RPAP2: variants seen among roughly 807,000 people sequenced by gnomAD.
RPAP2 encodes RNA polymerase II associated protein 2.
A neutral mutation model predicts 73.1 loss-of-function variants in RPAP2; 52 were observed. The ratio of observed to expected loss-of-function variants is 0.71; its 90% confidence interval spans 0.57 to 0.90. The LOEUF (loss-of-function observed/expected upper bound fraction) is 0.90. Ranked by LOEUF, RPAP2 falls within the 40% of genes least tolerant of loss-of-function variation. The pLI is 0.00. For missense variants in RPAP2, 598 were observed against 701.8 expected (o/e 0.85, Z 1.67); for synonymous variants, 225 against 242.1 (o/e 0.93, Z 0.65).
At chr1:92,360,046 A>C (rs1654657922) in intron 11 of RPAP2, among the ~76,000 whole-genome samples, 1 of 152,224 alleles carries the variant, frequency 6.6e-6, no homozygotes, top group Non-Finnish European at 1.5e-5. Flanking sequence ...AGGCTCTGTA[A>C]AAACATATAC....
chr1:92,305,703 C>G (rs550642933), intron 5 of RPAP2, among the ~76,000 whole-genome samples: 1 of 151,866 alleles, frequency 6.6e-6, no homozygotes, highest in East Asian at 1.9e-4. Flanking sequence ...ACACAAGGAA[C>G]TTGAATGGCT....
At chr1:92,370,285 C>T (rs1041647809) in intron 11 of RPAP2, among the ~76,000 whole-genome samples, 8 of 152,016 alleles carry the variant, frequency 5.3e-5, no homozygotes, top group Non-Finnish European at 1.0e-4. Flanking sequence ...TGGGGCACTA[C>T]GCTTTAAGAA....
At chr1:92,339,320 G>A (rs1042418577) in intron 10 of RPAP2, among the ~76,000 whole-genome samples, 295 of 71,240 alleles carry the variant, frequency 4.1e-3, no homozygotes, top group African/African-American at 0.014. Context: ...CCCCACCCCC[G>A]CCCCCACAAC....
chr1:92,394,909 GAACTTACTAC>G lies in RPAP2; in HGVS notation c.*7901_*7910del, dbSNP rs1485994561. The G allele has an allele frequency of 6.6e-6, 1 of 152,092 alleles. No individual in the cohort carries two copies. Among genetic ancestry groups the G allele is most frequent in the Non-Finnish European group, 1.5e-5 (1 of 68,024 alleles). 9.4% of individuals were successfully genotyped at this position (152,092 alleles called of 1,614,324 possible). ...AAAATGAAGAAATAATTCTGATCCA[GAACTTACTAC>G]AAAGCTACATTAATCAAGACAGTGT... On this transcript the variant is annotated 3_prime_UTR_variant, in exon 13 of 13. Transcript: ENST00000610020.
rs188343156 is a variant in RPAP2, at chr1:92,393,959, A to G, written c.*6948A>G. 25 of 152,374 alleles carry G rather than the reference A, an allele frequency of 1.6e-4. No homozygotes were observed. Among genetic ancestry groups the G allele is most frequent in the African/African-American group, 4.8e-4 (20 of 41,596 alleles). 9.4% of individuals were successfully genotyped at this position (152,374 alleles called of 1,614,324 possible). On this transcript the variant is annotated 3_prime_UTR_variant, in exon 13 of 13. Coordinates refer to ENST00000610020, the MANE Select transcript of RPAP2 (RefSeq NM_024813.3). ...TAGAACTGGAAATACCATTTGACCC[A>G]GCAATCCCACTATTGGGCATATACC...
At position 92,394,527 on chromosome 1, in the gene RPAP2, C is replaced by G. The variant is rs1481480201; in HGVS notation, c.*7516C>G. ...AACTAGCCAGGCATGGTGCTGCACACCTGTAGTCCCAGCTACTTGAGAGGC... is the reference window on the plus strand; with the variant it reads ...AACTAGCCAGGCATGGTGCTGCACAGCTGTAGTCCCAGCTACTTGAGAGGC... On this transcript the variant is annotated 3_prime_UTR_variant, in exon 13 of 13. Transcript: ENST00000610020. The G allele has an allele frequency of 6.6e-6, 1 of 152,030 alleles. No homozygotes were observed. The highest frequency in any genetic ancestry group is 1.5e-5 in the Non-Finnish European group (1 of 67,996). The allele number at this position is 152,030 out of a possible 1,614,324, so 9.4% of individuals were successfully genotyped here.
intron 6 of RPAP2, among the ~76,000 whole-genome samples, chr1:92,315,311 G>A (rs1344443503): frequency 6.6e-6 from 1 of 152,194 alleles, no homozygotes; most frequent in African/African-American, 2.4e-5. Context: ...GACATTTTAT[G>A]TGGGCTTGGT....
chr1:92,313,111 C>T (rs137894519), intron 6 of RPAP2, among the ~76,000 whole-genome samples: 11 of 152,310 alleles, frequency 7.2e-5, no homozygotes, highest in African/African-American at 1.9e-4. Flanking sequence ...AAGTAATCCA[C>T]GCACCTTGGC....
At position 92,312,882 on chromosome 1, in the gene RPAP2, C is replaced by T. The variant is rs551430457; in HGVS notation, c.488+5606C>T. On this transcript the variant is annotated intron_variant, in intron 6 of 12. Transcript: ENST00000610020. ...TGTCACCCAGGCTGGAGTGCAGTGGCGCGATCTTGGCTCACTACAACCTCT... is the reference window on the plus strand; with the variant it reads ...TGTCACCCAGGCTGGAGTGCAGTGGTGCGATCTTGGCTCACTACAACCTCT... 2.0e-4 allele frequency among the ~76,000 whole-genome samples: 31 copies of T among 151,410 alleles called. No homozygotes were observed. The East Asian group carries it at 4.7e-3, about 23-fold the overall frequency.
At chr1:92,314,750 TA>T (rs1273842229) in intron 6 of RPAP2, among the ~76,000 whole-genome samples, 235 of 107,062 alleles carry the variant, frequency 2.2e-3, no homozygotes, top group Middle Eastern at 9.6e-3. Flanking sequence ...CTCAATAAAT[TA>T]AAAAAAAAAA....
rs1652485881 is a variant in RPAP2 at position 92,324,129 on chromosome 1, T to C, written c.1209T>C (p.Val403=). 1 of 1,614,024 alleles carries C rather than the reference T, an allele frequency of 6.2e-7. No homozygotes were observed. The highest frequency in any genetic ancestry group is 8.5e-7 in the Non-Finnish European group (1 of 1,180,008). ...GTCTGAAACCCGAAGCCTCTCTGGT[T>C]AAAGAAGAACTTGATGAAGATGACA... The part of the protein sequence containing the change: ...SVCLKPEASL[V]KEELDEDDII... The change falls in exon 8 of 13, where the codon GTT becomes GTC. Residue 403 remains valine, a synonymous_variant. Transcript: ENST00000610020.
rs1348455719 is a variant in RPAP2 at position 92,373,733 on chromosome 1, TAAAAATAAAAAAAAAAAA to T, written c.1689-6985_1689-6968del. ...CAACATGGTGAAACCCCGTCTCTACTAAAAATAAAAAAAAAAAAAAAAAAAAAAAAAAAAAAAGTAGCC... is the reference window on the plus strand; with the variant it reads ...CAACATGGTGAAACCCCGTCTCTACTAAAAAAAAAAAAAAAAAAAGTAGCC... On this transcript the variant is annotated intron_variant, in intron 11 of 12. Transcript: ENST00000610020. Among the ~76,000 whole-genome samples the T allele has an allele frequency of 1.4e-3, 56 of 40,906 alleles. 1 individual carries two copies. In the South Asian group the frequency reaches 0.027, roughly 19 times the overall value. 26.8% of individuals were successfully genotyped at this position (40,906 alleles called of 152,430 possible). A position where few individuals can be genotyped will look rare whatever the true frequency, so the allele number is the denominator to read the frequency against.
intron 7 of RPAP2, among the ~76,000 whole-genome samples, chr1:92,322,752 G>A (rs539742271): frequency 1.1e-4 from 16 of 147,100 alleles, no homozygotes; most frequent in East Asian, 6.2e-4. Flanking sequence ...TGGTGCCCAC[G>A]TGTAATCCCA....
chr1:92,351,645 G>A (rs1253486908), intron 11 of RPAP2, among the ~76,000 whole-genome samples: 1 of 152,072 alleles, frequency 6.6e-6, no homozygotes, highest in Non-Finnish European at 1.5e-5. Context: ...TAACACAAGA[G>A]GTCACTGTGC....
At chr1:92,378,492 C>T (rs1004513133) in intron 11 of RPAP2, among the ~76,000 whole-genome samples, 2 of 152,128 alleles carry the variant, frequency 1.3e-5, no homozygotes, top group Non-Finnish European at 2.9e-5. Context: ...GGATTACAGG[C>T]ATGAGCCATC....
chr1:92,348,537 A>C (rs1032406217), intron 11 of RPAP2, among the ~76,000 whole-genome samples: 1 of 152,028 alleles, frequency 6.6e-6, no homozygotes, highest in Non-Finnish European at 1.5e-5. Flanking sequence ...GAATCTCCCT[A>C]TTCTTTTGAT....
Position 92,391,452 on chromosome 1 carries a change from C to G in RPAP2, c.*4441C>G, listed in dbSNP as rs552868787. The stretch of plus-strand genomic sequence containing the variant: ...GCAGGAGTGATCTAAAATCAACACC[C>G]TAACATCACAATTAAAAGAACTAGA... On this transcript the variant is annotated 3_prime_UTR_variant, in exon 13 of 13. Coordinates refer to ENST00000610020, the MANE Select transcript of RPAP2 (RefSeq NM_024813.3). The G allele has an allele frequency of 6.6e-6, 1 of 152,040 alleles. No homozygotes were observed. The highest frequency in any genetic ancestry group is 1.5e-5 in the Non-Finnish European group (1 of 68,020). The allele number at this position is 152,040 out of a possible 1,614,324, so 9.4% of individuals were successfully genotyped here.
chr1:92,394,604 G>C lies in RPAP2; in HGVS notation c.*7593G>C, dbSNP rs1656139257. 1 of 152,310 alleles carries C rather than the reference G, an allele frequency of 6.6e-6. No individual in the cohort carries two copies. The highest frequency in any genetic ancestry group is 1.5e-5 in the Non-Finnish European group (1 of 68,152). The allele number at this position is 152,310 out of a possible 1,614,324, so 9.4% of individuals were successfully genotyped here. On this transcript the variant is annotated 3_prime_UTR_variant, in exon 13 of 13. Coordinates refer to ENST00000610020, the MANE Select transcript of RPAP2 (RefSeq NM_024813.3). ...GGAGGTTGAGGCTGCAGTTAGCTGTGACTGTGCCAGTGCACTCCAGCCTGG... is the reference window on the plus strand; with the variant it reads ...GGAGGTTGAGGCTGCAGTTAGCTGTCACTGTGCCAGTGCACTCCAGCCTGG...
Position 92,304,009 on chromosome 1 carries a change from TGTC to T in RPAP2, c.270_272del (p.Val91del). The T allele has an allele frequency of 1.2e-6, 2 of 1,613,026 alleles. No individual in the cohort carries two copies. The highest frequency in any genetic ancestry group is 1.7e-6 in the Non-Finnish European group (2 of 1,179,498). On this transcript the variant is annotated inframe_deletion, in exon 4 of 13. Coordinates refer to ENST00000610020, the MANE Select transcript of RPAP2 (RefSeq NM_024813.3). ...TCATTACACCTGCTCACTACAGTGATGTCGTGGATGAACGTTCTATTGTCAAAC... is the reference window on the plus strand; with the variant it reads ...TCATTACACCTGCTCACTACAGTGATGTGGATGAACGTTCTATTGTCAAAC...
Sources: gnomAD v4.1 joint callset for allele counts (sites outside exome capture counted in the v4.1 genomes callset) on GRCh38, gnomAD v4.1.1 for gene constraint, MANE v1.5 for transcripts, NCBI Gene and HGNC (gene_info 2026-07-23, HGNC 2026-07-21) for gene names.